TRPS1: variants seen among roughly 807,000 people sequenced by gnomAD.
The protein encoded by TRPS1 is zinc finger transcription factor Trps1.
In TRPS1, 6 loss-of-function variants were observed where a neutral mutation model predicts 101.2. The ratio of observed to expected loss-of-function variants is 0.06; its 90% CI spans 0.03 to 0.12. The LOEUF (loss-of-function observed/expected upper bound fraction) is 0.12. Ranked by LOEUF, TRPS1 falls within the 10% of genes least tolerant of loss-of-function variation. The pLI is 1.00. For missense variants in TRPS1, 1,363 were observed against 1,567.0 expected, an observed-to-expected ratio of 0.87 and a Z score of 2.20; for synonymous variants, 578 against 589.8, an observed-to-expected ratio of 0.98 and a Z score of 0.29.
chr8:115,619,215 CCTT>C lies in TRPS1; in HGVS notation c.880_882del (p.Lys294del), dbSNP rs775059833. ...ACACCAGAAAACACAGAACGGTTGACCTTCTGGAAGTCTTTGGAATGGCTGAAC... is the reference window on the plus strand; with the variant it reads ...ACACCAGAAAACACAGAACGGTTGACCTGGAAGTCTTTGGAATGGCTGAAC... On this transcript the variant is annotated inframe_deletion, in exon 3 of 7. Transcript: ENST00000395715. The C allele has an allele frequency of 5.6e-6, 9 of 1,614,092 alleles. No individual in the cohort carries two copies. In the East Asian group the frequency reaches 1.8e-4, roughly 32 times the overall value.
At chr8:115,537,166 C>T (rs1434456520) in intron 5 of TRPS1, among the ~76,000 whole-genome samples, 2 of 152,108 alleles carry the variant, frequency 1.3e-5, no homozygotes, top group Non-Finnish European at 2.9e-5. Flanking sequence ...TTTTTTAAAT[C>T]AACAAGGAAG....
chr8:115,652,161 T>C (rs1302409130), intron 1 of TRPS1, among the ~76,000 whole-genome samples: 2 of 152,120 alleles, frequency 1.3e-5, no homozygotes, highest in Non-Finnish European at 2.9e-5. Flanking sequence ...CCAGAAGAGA[T>C]ACCCAAGAGA....
chr8:115,561,915 A>G (rs773315791), intron 5 of TRPS1, among the ~76,000 whole-genome samples: 1 of 152,086 alleles, frequency 6.6e-6, no homozygotes, highest in Non-Finnish European at 1.5e-5. Flanking sequence ...AGGGAAGGGA[A>G]GCCAAGCACC....
chr8:115,506,540 A>G (rs565417222), intron 5 of TRPS1, among the ~76,000 whole-genome samples: 4 of 152,102 alleles, frequency 2.6e-5, no homozygotes, highest in African/African-American at 9.6e-5. Context: ...ATATATATAA[A>G]GCATTTAGAG....
chr8:115,528,512 A>G (rs1157574165), intron 5 of TRPS1, among the ~76,000 whole-genome samples: 7 of 152,064 alleles, frequency 4.6e-5, no homozygotes, highest in Non-Finnish European at 8.8e-5. Context: ...ATACGATTTT[A>G]AAAGATTTCA....
chr8:115,496,228 A>T (rs979360015), intron 5 of TRPS1, among the ~76,000 whole-genome samples: 2 of 152,206 alleles, frequency 1.3e-5, no homozygotes, highest in African/African-American at 4.8e-5. Flanking sequence ...GAAACTATCA[A>T]TAGAACCCGG....
intron 5 of TRPS1, among the ~76,000 whole-genome samples, chr8:115,450,709 A>G (rs935578647): frequency 5.3e-5 from 8 of 152,092 alleles, no homozygotes; most frequent in Non-Finnish European, 1.2e-4. Context: ...CCACATATAC[A>G]TGAAAAAAAC....
intron 3 of TRPS1, among the ~76,000 whole-genome samples, chr8:115,611,544 A>G (rs1304001612): frequency 6.6e-6 from 1 of 152,230 alleles, no homozygotes. Context: ...GTTCCATGAC[A>G]ACACAGAGGA....
intron 5 of TRPS1, among the ~76,000 whole-genome samples, chr8:115,556,342 T>C (rs1816820028): frequency 6.6e-6 from 1 of 152,174 alleles, no homozygotes; most frequent in Non-Finnish European, 1.5e-5. Flanking sequence ...TCTGAACTTT[T>C]TTTTACTGAC....
At chr8:115,514,568 T>A (rs1815664795) in intron 5 of TRPS1, among the ~76,000 whole-genome samples, 1 of 151,660 alleles carries the variant, frequency 6.6e-6, no homozygotes, top group African/African-American at 2.4e-5. Flanking sequence ...AGTAGTTTTT[T>A]TAATGTATAA....
At chr8:115,478,525 C>T (rs1370929780) in intron 5 of TRPS1, among the ~76,000 whole-genome samples, 3 of 152,124 alleles carry the variant, frequency 2.0e-5, no homozygotes, top group Admixed American at 6.5e-5. Flanking sequence ...TATTCAAGGC[C>T]GGGCACAGTG....
At chr8:115,463,659 G>A (rs1814245940) in intron 5 of TRPS1, among the ~76,000 whole-genome samples, 1 of 152,014 alleles carries the variant, frequency 6.6e-6, no homozygotes, top group South Asian at 2.1e-4. Context: ...GTTATTTCAA[G>A]TATTTCATTG....
At chr8:115,546,316 CTAAA>C (rs1273033129) in intron 5 of TRPS1, among the ~76,000 whole-genome samples, 11 of 151,782 alleles carry the variant, frequency 7.2e-5, no homozygotes, top group Non-Finnish European at 8.8e-5. Flanking sequence ...CTAAAAAATG[CTAAA>C]TAAACAAAAA....
chr8:115,633,193 A>G (rs571466423), intron 1 of TRPS1, among the ~76,000 whole-genome samples: 4 of 152,256 alleles, frequency 2.6e-5, no homozygotes. Flanking sequence ...AAAAGAAGGA[A>G]GAGAAGAGAA....
At chr8:115,429,936 T>C (rs1055176049) in intron 5 of TRPS1, among the ~76,000 whole-genome samples, 2 of 152,060 alleles carry the variant, frequency 1.3e-5, no homozygotes, top group African/African-American at 4.8e-5. Flanking sequence ...TGTGAAGTAA[T>C]ATAGATTTTT....
rs6986846 is a variant in TRPS1, at chr8:115,537,829, C to A, written c.2700+49172G>T. On this transcript the variant is annotated intron_variant, in intron 5 of 6. Transcript: ENST00000395715. Reference sequence around the variant, plus strand: ...AGCAACTTAAAAACTGGACAATTATCCTTGCTCTAATTTGCTCCCGGTTTA... The same window carrying A: ...AGCAACTTAAAAACTGGACAATTATACTTGCTCTAATTTGCTCCCGGTTTA... Among the ~76,000 whole-genome samples, 877 of 152,274 alleles carry A rather than the reference C, an allele frequency of 5.8e-3. 7 individuals carry two copies. Among genetic ancestry groups the A allele is most frequent in the African/African-American group, 0.019 (797 of 41,562 alleles).
intron 5 of TRPS1, among the ~76,000 whole-genome samples, chr8:115,585,736 T>C (rs955771593): frequency 6.6e-6 from 1 of 152,126 alleles, no homozygotes; most frequent in Non-Finnish European, 1.5e-5. Flanking sequence ...CCGAAGTTAC[T>C]CCTAATAAAC....
At chr8:115,416,675 T>C (rs1422306247) in intron 6 of TRPS1, among the ~76,000 whole-genome samples, 1 of 151,680 alleles carries the variant, frequency 6.6e-6, no homozygotes, top group African/African-American at 2.4e-5. Context: ...TCTTGTATCT[T>C]AAATAAGTAC....
intron 5 of TRPS1, among the ~76,000 whole-genome samples, chr8:115,586,002 T>G (rs2130440696): frequency 6.6e-6 from 1 of 152,290 alleles, no homozygotes. Context: ...GAGCAATTTT[T>G]CTCCCCAGAA....
Sources: allele counts gnomAD v4.1 joint callset (sites outside exome capture counted in the v4.1 genomes callset), GRCh38; gene constraint gnomAD v4.1.1; transcripts MANE v1.5; gene names NCBI Gene and HGNC (gene_info 2026-07-23, HGNC 2026-07-21).